Variants in NR2F1-AS1 observed in about 807,000 individuals in gnomAD.
The protein encoded by NR2F1-AS1 is NR2F1 antisense RNA 1.
chr5:93,449,431 CA>C (rs1250211515), intron 4 of NR2F1-AS1, among the ~76,000 whole-genome samples: 1 of 152,018 alleles, frequency 6.6e-6, no homozygotes. Flanking sequence ...TCCTTTACTC[CA>C]AAAACCCAAT....
rs568776315 is a variant in NR2F1-AS1, at chr5:93,579,996, C to T, written n.313+471G>A. On this transcript the variant is annotated intron_variant and non_coding_transcript_variant, in intron 1 of 5. Transcript: ENST00000660523. This position sits in a 1 kb window ranked among gnomAD's most constrained non-coding sequence, Gnocchi z 5.1. Reference sequence around the variant, plus strand: ...AGGTGGGCGGCTGCAGCCAAGCTCGCCAGGTTCAGGCCGTAACCAGGCAAG... The same window carrying T: ...AGGTGGGCGGCTGCAGCCAAGCTCGTCAGGTTCAGGCCGTAACCAGGCAAG... Among the ~76,000 whole-genome samples the T allele has an allele frequency of 4.6e-5, 7 of 152,338 alleles. No homozygotes were observed. In the South Asian group the frequency reaches 1.4e-3, roughly 32 times the overall value.
At chr5:93,535,826 C>A (rs745613293) in intron 4 of NR2F1-AS1, among the ~76,000 whole-genome samples, 1 of 152,106 alleles carries the variant, frequency 6.6e-6, no homozygotes, top group African/African-American at 2.4e-5. Flanking sequence ...ATATACAAGA[C>A]ACTTAAACAC....
chr5:93,510,441 G>T (rs533713539), intron 4 of NR2F1-AS1, among the ~76,000 whole-genome samples: 69 of 152,098 alleles, frequency 4.5e-4, no homozygotes, highest in Middle Eastern at 6.8e-3. Context: ...CCTCCTCCTT[G>T]CCCATAGAAA....
intron 4 of NR2F1-AS1, among the ~76,000 whole-genome samples, chr5:93,478,969 C>T (rs1244081089): frequency 1.3e-5 from 2 of 152,166 alleles, no homozygotes; most frequent in Non-Finnish European, 2.9e-5. Context: ...GGATCAATCC[C>T]TTTACCAAAA....
intron 4 of NR2F1-AS1, among the ~76,000 whole-genome samples, chr5:93,467,022 T>C (rs866322249): frequency 1.6e-4 from 23 of 148,374 alleles, no homozygotes; most frequent in Middle Eastern, 3.7e-3. Context: ...TGCCTCAGCC[T>C]CTCAAGCAGC....
At chr5:93,527,869 T>A (rs993843563) in intron 4 of NR2F1-AS1, among the ~76,000 whole-genome samples, 4 of 152,124 alleles carry the variant, frequency 2.6e-5, no homozygotes, top group African/African-American at 9.7e-5. Flanking sequence ...AAGACTTAAA[T>A]GTAAGACCTA....
chr5:93,559,388 G>A (rs1489113944), intron 2 of NR2F1-AS1, among the ~76,000 whole-genome samples: 2 of 152,130 alleles, frequency 1.3e-5, no homozygotes, highest in Non-Finnish European at 2.9e-5. Context: ...TGGCTGGTTT[G>A]ATCTTCTACC....
intron 4 of NR2F1-AS1, chr5:93,542,380 ATTTG>A (rs1751971213): frequency 6.6e-6 from 1 of 151,962 alleles, no homozygotes; most frequent in South Asian, 2.1e-4. Context: ...GGGCTATGTA[ATTTG>A]TTTGTTGTTG....
intron 4 of NR2F1-AS1, among the ~76,000 whole-genome samples, chr5:93,550,563 C>T (rs1752203131): frequency 6.6e-6 from 1 of 152,188 alleles, no homozygotes; most frequent in Non-Finnish European, 1.5e-5. Flanking sequence ...CAGGCAACTG[C>T]CCAGGCAGCC....
At chr5:93,494,027 CA>C (rs1333879488) in intron 4 of NR2F1-AS1, among the ~76,000 whole-genome samples, 1 of 151,964 alleles carries the variant, frequency 6.6e-6, no homozygotes, top group Non-Finnish European at 1.5e-5. Context: ...ATTTGTGTAT[CA>C]AAGGATATTA....
chr5:93,435,632 C>T (rs1035357106), intron 4 of NR2F1-AS1, among the ~76,000 whole-genome samples: 8 of 152,190 alleles, frequency 5.3e-5, no homozygotes, highest in Non-Finnish European at 1.0e-4. Flanking sequence ...ACCCACCATA[C>T]CCTCTGCCTG....
At chr5:93,577,545 G>A (rs1204092300) in intron 1 of NR2F1-AS1, among the ~76,000 whole-genome samples, 3 of 152,168 alleles carry the variant, frequency 2.0e-5, no homozygotes, top group Non-Finnish European at 4.4e-5. Flanking sequence ...ATAGGCTGGG[G>A]TTTAGTTTGT....
Position 93,430,255 on chromosome 5 carries a change from T to C in NR2F1-AS1, n.639-34713A>G, listed in dbSNP as rs772235733. ...GGTGCTTCAATACTAATGAGAGTTA[T>C]TGCATATTCATAACCCCAAATACAG... On this transcript the variant is annotated intron_variant and non_coding_transcript_variant, in intron 4 of 5. Transcript: ENST00000660523. Among the ~76,000 whole-genome samples, 4 of 152,204 alleles carry C rather than the reference T, an allele frequency of 2.6e-5. No homozygotes were observed. The East Asian group carries it at 5.8e-4, about 22-fold the overall frequency.
At chr5:93,483,804 A>C (rs1213849350) in intron 4 of NR2F1-AS1, among the ~76,000 whole-genome samples, 1 of 152,222 alleles carries the variant, frequency 6.6e-6, no homozygotes, top group Non-Finnish European at 1.5e-5. Context: ...CGTGAAGCTT[A>C]CACAATTATC....
intron 4 of NR2F1-AS1, among the ~76,000 whole-genome samples, chr5:93,495,885 T>A (rs1038810814): frequency 2.0e-5 from 3 of 152,122 alleles, no homozygotes; most frequent in African/African-American, 7.2e-5. Context: ...ATGCTATAAC[T>A]TTAAAAGCAG....
intron 4 of NR2F1-AS1, among the ~76,000 whole-genome samples, chr5:93,477,883 C>T (rs1325562084): frequency 6.6e-6 from 1 of 152,170 alleles, no homozygotes; most frequent in Non-Finnish European, 1.5e-5. Flanking sequence ...CAATAAAGTG[C>T]CTTCTCATAA....
intron 4 of NR2F1-AS1, among the ~76,000 whole-genome samples, chr5:93,414,899 A>G (rs1160658833): frequency 6.6e-6 from 1 of 152,202 alleles, no homozygotes. Flanking sequence ...AAGGAAAAAT[A>G]AACTGTTGCA....
chr5:93,448,515 G>A (rs1027784962), intron 4 of NR2F1-AS1, among the ~76,000 whole-genome samples: 3 of 152,182 alleles, frequency 2.0e-5, no homozygotes, highest in Non-Finnish European at 4.4e-5. Context: ...TGATAGGGAT[G>A]GGGATGCAAA....
chr5:93,576,410 GT>G (rs1200725539), intron 1 of NR2F1-AS1, among the ~76,000 whole-genome samples: 1 of 150,318 alleles, frequency 6.7e-6, no homozygotes, highest in East Asian at 1.9e-4. Flanking sequence ...GCTTATATCA[GT>G]GGTGTCCTAT....
Sources: allele counts gnomAD v4.1 joint callset (sites outside exome capture counted in the v4.1 genomes callset), GRCh38; gene constraint gnomAD v4.1.1; non-coding constraint Gnocchi (gnomAD v3.1); transcripts MANE v1.5; gene names NCBI Gene and HGNC (gene_info 2026-07-23, HGNC 2026-07-21).